SGMS1: variants seen among roughly 807,000 people sequenced by gnomAD.
The protein encoded by SGMS1 is sphingomyelin synthase 1.
SGMS1 carries 13 observed loss-of-function variants against 46.2 expected under a neutral mutation model. The ratio of observed to expected loss-of-function variants is 0.28; its 90% CI spans 0.18 to 0.45. The LOEUF (loss-of-function observed/expected upper bound fraction) is 0.45, where lower values mean the gene tolerates loss of function less well. Among genes scored for constraint, SGMS1 ranks in the 20% least tolerant of loss-of-function variants. The pLI, the probability that SGMS1 is intolerant of heterozygous loss-of-function variation, is 1.00. For synonymous variants in SGMS1, 203 were observed against 187.8 expected (o/e 1.08, Z -0.66); for missense variants, 324 against 519.9 (o/e 0.62, Z 3.66).
intron 2 of SGMS1, among the ~76,000 whole-genome samples, chr10:50,580,427 C>A (rs11006201): frequency 0.29 from 43,642 of 151,054 alleles, 6,992 homozygotes; most frequent in East Asian, 0.65. Context: ...GTTAGGGACC[C>A]CCCCCCAAAC....
At chr10:50,351,141 A>G (rs571106110) in intron 6 of SGMS1, among the ~76,000 whole-genome samples, 557 of 152,314 alleles carry the variant, frequency 3.7e-3, no homozygotes, top group Middle Eastern at 6.8e-3. Flanking sequence ...AAAGGAGATC[A>G]TTTTGGAGCT....
intron 1 of SGMS1, among the ~76,000 whole-genome samples, chr10:50,619,656 T>C (rs186016989): frequency 6.6e-6 from 1 of 152,088 alleles, no homozygotes; most frequent in Admixed American, 6.6e-5. Flanking sequence ...GCACCAGGAG[T>C]CTAAAAGGTA....
In SGMS1 at chr10:50,359,770, C is replaced by T. The variant is rs993173836; in HGVS notation, c.-231-15425G>A. 1.4e-4 allele frequency among the ~76,000 whole-genome samples: 21 copies of T among 151,910 alleles called. 1 individual carries two copies. Among genetic ancestry groups the T allele is most frequent in the Admixed American group, 9.2e-4 (14 of 15,262 alleles). ...GTACAACAGAATACCAAGCCTCTGC[C>T]ACAGACTGTACTGTATTTCCATATC... On this transcript the variant is annotated intron_variant, in intron 6 of 10. Transcript: ENST00000361781.
In SGMS1 at chr10:50,591,228, G is replaced by A. The variant is rs148087619; in HGVS notation, c.-683-981C>T. Among the ~76,000 whole-genome samples, 92 of 152,252 alleles carry A rather than the reference G, an allele frequency of 6.0e-4. 1 individual carries two copies. Among genetic ancestry groups the A allele is most frequent in the Middle Eastern group, 6.8e-3 (2 of 294 alleles). On this transcript the variant is annotated intron_variant, in intron 1 of 10. Transcript: ENST00000361781. ...CATTTTCCAGAGAAGGCAGCTAAGC[G>A]TCAGAGATGATATCTGACAAGGATA...
At chr10:50,571,674 A>G (rs1340538332) in intron 2 of SGMS1, among the ~76,000 whole-genome samples, 2 of 152,238 alleles carry the variant, frequency 1.3e-5, no homozygotes, top group Non-Finnish European at 2.9e-5. Context: ...GTGCATATAT[A>G]TACACATATA....
intron 8 of SGMS1, among the ~76,000 whole-genome samples, chr10:50,323,761 C>T (rs1847485649): frequency 6.6e-6 from 1 of 152,172 alleles, no homozygotes; most frequent in Admixed American, 6.5e-5. Flanking sequence ...TTCTCATTCC[C>T]TGCATGAAAT....
At chr10:50,448,481 A>G (rs1452739040) in intron 5 of SGMS1, among the ~76,000 whole-genome samples, 1 of 151,952 alleles carries the variant, frequency 6.6e-6, no homozygotes, top group Non-Finnish European at 1.5e-5. Flanking sequence ...ACGGTGACTC[A>G]CTCCTGTAAT....
intron 3 of SGMS1, among the ~76,000 whole-genome samples, chr10:50,482,663 T>C (rs1837487059): frequency 6.6e-6 from 1 of 152,122 alleles, no homozygotes; most frequent in Admixed American, 6.5e-5. Flanking sequence ...CCAGCTAGCA[T>C]CATGAGGCTA....
chr10:50,446,183 A>C (rs1837011039), intron 5 of SGMS1, among the ~76,000 whole-genome samples: 1 of 152,044 alleles, frequency 6.6e-6, no homozygotes. Context: ...CCCTGCCTCC[A>C]TTTGCCTTGT....
At chr10:50,479,856 A>G (rs887542983) in intron 3 of SGMS1, among the ~76,000 whole-genome samples, 1 of 152,190 alleles carries the variant, frequency 6.6e-6, no homozygotes, top group Non-Finnish European at 1.5e-5. Flanking sequence ...GAGCAACACC[A>G]CAAGTATTTC....
chr10:50,488,028 TATTG>T (rs1458889963), intron 3 of SGMS1, among the ~76,000 whole-genome samples: 1 of 137,328 alleles, frequency 7.3e-6, no homozygotes. Context: ...TTTATTTATT[TATTG>T]AGACTGAGTC....
intron 3 of SGMS1, among the ~76,000 whole-genome samples, chr10:50,509,097 C>A (rs751079076): frequency 1.1e-4 from 16 of 152,080 alleles, no homozygotes; most frequent in African/African-American, 2.4e-4. Context: ...TTTAAATAAA[C>A]AAGAAATTTC....
chr10:50,311,113 A>G, intron 9 of SGMS1, 149 bp downstream of exon 9: 1 of 867,738 alleles, frequency 1.2e-6, no homozygotes, highest in East Asian at 2.5e-5. Context: ...CCTGGGTGCC[A>G]GTTGCATGGC....
chr10:50,344,273 C>T lies in SGMS1; in HGVS notation c.-159G>A. 1 of 819,712 alleles carries T rather than the reference C, an allele frequency of 1.2e-6. No individual in the cohort carries two copies. Among genetic ancestry groups the T allele is most frequent in the African/African-American group, 1.7e-5 (1 of 58,716 alleles). The allele number at this position is 819,712 out of a possible 1,614,324, so 50.8% of individuals were successfully genotyped here. A position where few individuals can be genotyped will look rare whatever the true frequency, so the allele number is the denominator to read the frequency against. Reference sequence around the variant, plus strand: ...AGATGGTCAGGGCAGTTTTTAAACACCTCATGTAGCTGTCCAGGGTTCCTG... The same window carrying T: ...AGATGGTCAGGGCAGTTTTTAAACATCTCATGTAGCTGTCCAGGGTTCCTG... On this transcript the variant is annotated 5_prime_UTR_variant, in exon 7 of 11. In the 5' UTR this introduces an upstream ATG that the reference lacks. Coordinates refer to ENST00000361781, the MANE Select transcript of SGMS1 (RefSeq NM_147156.4).
At chr10:50,447,897 G>A (rs1056773025) in intron 5 of SGMS1, among the ~76,000 whole-genome samples, 2 of 152,106 alleles carry the variant, frequency 1.3e-5, no homozygotes, top group African/African-American at 4.8e-5. Context: ...AAGGAGACTA[G>A]GCAACTTGTC....
intron 6 of SGMS1, among the ~76,000 whole-genome samples, chr10:50,373,847 T>C (rs1233102466): frequency 6.6e-6 from 1 of 152,216 alleles, no homozygotes; most frequent in Non-Finnish European, 1.5e-5. Context: ...AGCAGTCCCA[T>C]AGGTATCTAT....
chr10:50,462,371 A>G (rs1252818895), intron 4 of SGMS1, among the ~76,000 whole-genome samples: 1 of 152,266 alleles, frequency 6.6e-6, no homozygotes, highest in Non-Finnish European at 1.5e-5. Context: ...AAGCTTAAAA[A>G]AGATTATACC....
intron 2 of SGMS1, among the ~76,000 whole-genome samples, chr10:50,588,209 T>C (rs1838505355): frequency 6.6e-6 from 1 of 152,218 alleles, no homozygotes; most frequent in Non-Finnish European, 1.5e-5. Flanking sequence ...CCTTTACTGC[T>C]ATCACTGACC....
At chr10:50,432,939 C>G (rs966319081) in intron 6 of SGMS1, among the ~76,000 whole-genome samples, 1 of 152,158 alleles carries the variant, frequency 6.6e-6, no homozygotes, top group Non-Finnish European at 1.5e-5. Context: ...CAAAATCAAC[C>G]ATATGTAACT....
Sources: allele counts gnomAD v4.1 joint callset (sites outside exome capture counted in the v4.1 genomes callset), GRCh38; gene constraint gnomAD v4.1.1; transcripts MANE v1.5; gene names NCBI Gene and HGNC (gene_info 2026-07-23, HGNC 2026-07-21).